CYREN: variants seen among roughly 807,000 people sequenced by gnomAD.
CYREN encodes cell cycle regulator of NHEJ, also known as cell cycle regulator of non-homologous end joining.
CYREN carries 7 observed loss-of-function variants against 9.7 expected under a neutral mutation model. That is an observed-to-expected ratio of 0.72 (90% CI 0.41 to 1.36). The LOEUF (loss-of-function observed/expected upper bound fraction) is 1.36. Among genes scored for constraint, CYREN ranks in the 40% most tolerant of loss-of-function variants. The pLI, the probability that CYREN is intolerant of heterozygous loss-of-function variation, is 0.01. For missense variants in CYREN, 215 were observed against 198.1 expected (o/e 1.09, Z -0.51); for synonymous variants, 76 against 77.9 (o/e 0.98, Z 0.13).
At chr7:135,128,548 G>A in intron 2 of CYREN, 1 of 767,496 alleles carries the variant, frequency 1.3e-6, no homozygotes. Context: ...GAGAAACCAG[G>A]ATCTATTTGG....
intron 2 of CYREN, among the ~76,000 whole-genome samples, chr7:135,142,512 G>C (rs1194380998): frequency 6.6e-6 from 1 of 152,072 alleles, no homozygotes; most frequent in South Asian, 2.1e-4. Context: ...TCTAATTCCT[G>C]TGTAGCTCAA....
intron 2 of CYREN, among the ~76,000 whole-genome samples, chr7:135,126,771 G>T (rs1827931922): frequency 6.6e-6 from 1 of 152,184 alleles, no homozygotes; most frequent in Non-Finnish European, 1.5e-5. Context: ...AATGGGGAAA[G>T]GATTCCCTGT....
intron 3 of CYREN, 63 bp from the exon 4 acceptor site, chr7:135,166,934 G>T: frequency 6.3e-7 from 1 of 1,575,572 alleles, no homozygotes. Context: ...ATGCTGATCT[G>T]TCAGTAACAC....
At chr7:135,112,735 C>T (rs1005332694) in intron 2 of CYREN, among the ~76,000 whole-genome samples, 2 of 152,184 alleles carry the variant, frequency 1.3e-5, no homozygotes, top group Admixed American at 6.5e-5. Context: ...ATTTACCAAA[C>T]AAAAATAGTG....
Position 135,101,355 on chromosome 7 carries a change from A to G in CYREN, n.357-6773T>C, listed in dbSNP as rs528534199. The G allele has an allele frequency of 5.6e-5, 23 of 407,834 alleles. No individual in the cohort carries two copies. In the East Asian group the frequency reaches 1.4e-3, roughly 24 times the overall value. The allele number at this position is 407,834 out of a possible 1,614,324, so 25.3% of individuals were successfully genotyped here. On this transcript the variant is annotated intron_variant and non_coding_transcript_variant, in intron 2 of 2. Coordinates refer to the CYREN transcript ENST00000459937. ...CACTATATCATCATTAACATATCCT[A>G]TGAAACTTGGATTATGGGAACTACT...
At chr7:135,104,701 A>G (rs1041227833) in intron 2 of CYREN, among the ~76,000 whole-genome samples, 3 of 151,242 alleles carry the variant, frequency 2.0e-5, no homozygotes, top group African/African-American at 7.3e-5. Context: ...TTTATTTCAT[A>G]TGCCTTTTGG....
intron 2 of CYREN, among the ~76,000 whole-genome samples, chr7:135,156,695 TTATC>T (rs1465792127): frequency 3.9e-5 from 6 of 152,204 alleles, no homozygotes; most frequent in Non-Finnish European, 5.9e-5. Flanking sequence ...TTTGAATTCT[TTATC>T]TAGCATTTTG....
rs1169016102 is a variant in CYREN at position 135,096,560 on chromosome 7, GATAGATAGATAGATAGATAGATAC to G, written n.357-2002_357-1979del. ...AAAGAAAAAGAAAGAAAGAAAGAAAGATAGATAGATAGATAGATAGATACATAGATAGATAGATAGATAGATAGA... is the reference window on the plus strand; with the variant it reads ...AAAGAAAAAGAAAGAAAGAAAGAAAGATAGATAGATAGATAGATAGATAGA... On this transcript the variant is annotated intron_variant and non_coding_transcript_variant, in intron 2 of 2. Transcript: ENST00000459937. Among the ~76,000 whole-genome samples, 288 of 30,708 alleles carry G rather than the reference GATAGATAGATAGATAGATAGATAC, an allele frequency of 9.4e-3. 9 individuals carry two copies. The highest frequency in any genetic ancestry group is 0.053 in the East Asian group (119 of 2,260). The allele number at this position is 30,708 out of a possible 152,430, so 20.1% of individuals were successfully genotyped here. A position where few individuals can be genotyped will look rare whatever the true frequency, so the allele number is the denominator to read the frequency against.
intron 2 of CYREN, among the ~76,000 whole-genome samples, chr7:135,127,690 G>A (rs1342505303): frequency 6.6e-6 from 1 of 152,174 alleles, no homozygotes; most frequent in Non-Finnish European, 1.5e-5. Context: ...GGCTGGGTAG[G>A]CTGCAGAGAA....
chr7:135,101,910 C>T (rs763233920), intron 2 of CYREN, among the ~76,000 whole-genome samples: 9 of 152,148 alleles, frequency 5.9e-5, no homozygotes, highest in Non-Finnish European at 1.0e-4. Flanking sequence ...ATGCTGTCCT[C>T]ATGATAGTAA....
chr7:135,101,015 T>G (rs1334233680), intron 2 of CYREN: 2 of 358,780 alleles, frequency 5.6e-6, no homozygotes, highest in African/African-American at 4.3e-5. Flanking sequence ...AACATGGCTA[T>G]TACATTACTC....
intron 2 of CYREN, among the ~76,000 whole-genome samples, chr7:135,114,400 T>C (rs532015372): frequency 6.6e-6 from 1 of 152,304 alleles, no homozygotes; most frequent in South Asian, 2.1e-4. Context: ...CATCCTAATA[T>C]GGGGTGAGAT....
chr7:135,156,673 T>TA (rs1367888140), intron 2 of CYREN, among the ~76,000 whole-genome samples: 1 of 152,346 alleles, frequency 6.6e-6, no homozygotes, highest in Admixed American at 6.5e-5. Context: ...TGAGCTTCTT[T>TA]AAAATCAATA....
chr7:135,093,469 A>T (rs1822173580), exon 3 of CYREN: 2 of 152,194 alleles, frequency 1.3e-5, no homozygotes. Context: ...CTAGCAATGA[A>T]CATTTAAAAA....
At chr7:135,146,759 G>A (rs1009518486) in intron 2 of CYREN, among the ~76,000 whole-genome samples, 2 of 152,166 alleles carry the variant, frequency 1.3e-5, no homozygotes, top group African/African-American at 2.4e-5. Flanking sequence ...ATGTTATTTA[G>A]AGAACTGAGG....
intron 2 of CYREN, among the ~76,000 whole-genome samples, chr7:135,124,167 C>T (rs1265524644): frequency 6.7e-6 from 1 of 149,794 alleles, no homozygotes; most frequent in Non-Finnish European, 1.5e-5. Context: ...TGCAAAGACA[C>T]ACATAGGCTC....
intron 2 of CYREN, among the ~76,000 whole-genome samples, chr7:135,141,462 C>T (rs1829451426): frequency 6.6e-6 from 1 of 152,096 alleles, no homozygotes; most frequent in East Asian, 1.9e-4. Flanking sequence ...ATTAGTCTAG[C>T]TAGTGGTCTA....
intron 2 of CYREN, chr7:135,129,227 G>A (rs1828381857): frequency 1.4e-6 from 2 of 1,465,614 alleles, no homozygotes; most frequent in Non-Finnish European, 1.9e-6. Context: ...CTGTGATGCA[G>A]GAGCCTGGCT....
chr7:135,118,051 T>C (rs1585215997), intron 2 of CYREN, among the ~76,000 whole-genome samples: 1 of 152,204 alleles, frequency 6.6e-6, no homozygotes, highest in East Asian at 1.9e-4. Context: ...CTTGGATGTT[T>C]TCCATTTTCT....
Sources: allele counts gnomAD v4.1 joint callset (sites outside exome capture counted in the v4.1 genomes callset), GRCh38; gene constraint gnomAD v4.1.1; transcripts MANE v1.5; gene names NCBI Gene and HGNC (gene_info 2026-07-23, HGNC 2026-07-21).